MYH9: variants seen among roughly 807,000 people sequenced by gnomAD.
MYH9 encodes myosin heavy chain 9, also known as myosin-9.
In MYH9, 29 loss-of-function variants were observed where a neutral mutation model predicts 241.9. That is an observed-to-expected ratio of 0.12 (90% CI 0.09 to 0.16). MYH9 has a LOEUF of 0.16. Ranked by LOEUF, MYH9 falls within the 10% of genes least tolerant of loss-of-function variation. MYH9 has a pLI of 1.00. For missense variants in MYH9, 1,803 were observed against 2,595.5 expected (o/e 0.69, Z 6.63); for synonymous variants, 1,047 against 1,062.6 (o/e 0.99, Z 0.29).
chr22:36,325,121 C>T (rs775545739), intron 5 of MYH9: 1 of 769,994 alleles, frequency 1.3e-6, no homozygotes, highest in South Asian at 1.4e-5. Context: ...TAAAATAGGC[C>T]TCCTAAAAAG....
chr22:36,323,701 C>G (rs2017291780), intron 5 of MYH9, among the ~76,000 whole-genome samples: 1 of 152,122 alleles, frequency 6.6e-6, no homozygotes, highest in Non-Finnish European at 1.5e-5. Context: ...CCACCTGAGA[C>G]CACAAGGGAC....
At chr22:36,379,129 AG>A (rs2018216309) in intron 1 of MYH9, among the ~76,000 whole-genome samples, 2 of 152,184 alleles carry the variant, frequency 1.3e-5, no homozygotes, top group South Asian at 2.1e-4. Flanking sequence ...GCAAGAAGAA[AG>A]GCTCTTCTTT....
At chr22:36,381,317 C>T (rs1261766536) in intron 1 of MYH9, among the ~76,000 whole-genome samples, 1 of 151,976 alleles carries the variant, frequency 6.6e-6, no homozygotes, top group East Asian at 1.9e-4. Flanking sequence ...GAGATGGGGA[C>T]CAACCTGGGC....
chr22:36,286,163 G>C (rs2016576915), intron 35 of MYH9: 1 of 623,910 alleles, frequency 1.6e-6, no homozygotes, highest in Non-Finnish European at 2.8e-6. Flanking sequence ...ACATTTAAGT[G>C]CTAGGAATCA....
Position 36,306,690 on chromosome 22 carries a change from A to C in MYH9, c.1844-83T>G, listed in dbSNP as rs779413386. 1.4e-5 allele frequency: 18 copies of C among 1,312,868 alleles called. No homozygotes were observed. Among genetic ancestry groups the C allele is most frequent in the Non-Finnish European group, 1.8e-5 (17 of 937,182 alleles). The allele number at this position is 1,312,868 out of a possible 1,614,324, so 81.3% of individuals were successfully genotyped here. A position where few individuals can be genotyped will look rare whatever the true frequency, so the allele number is the denominator to read the frequency against. On this transcript the variant is annotated intron_variant, in intron 15 of 40. Coordinates refer to ENST00000216181, the MANE Select transcript of MYH9 (RefSeq NM_002473.6). The surrounding 1 kb of genome is among the most constrained non-coding windows in gnomAD (Gnocchi z 4.1). ...GAGCACGTAGGAGAGAGAGACAGGC[A>C]CACGTCGGACAGGAAAAGAGGAGAC...
chr22:36,319,366 G>A (rs2017211662), intron 10 of MYH9, among the ~76,000 whole-genome samples, 174 bp downstream of exon 10: 1 of 151,928 alleles, frequency 6.6e-6, no homozygotes. Context: ...CTTACTTGGT[G>A]AGAAAAAAAA....
intron 1 of MYH9, among the ~76,000 whole-genome samples, chr22:36,367,781 C>T (rs923906703): frequency 1.3e-5 from 2 of 152,342 alleles, no homozygotes; most frequent in East Asian, 3.9e-4. Flanking sequence ...AAGAAGGAAG[C>T]AGCAGCGGCC....
chr22:36,364,379 C>T (rs2017978169), intron 1 of MYH9, among the ~76,000 whole-genome samples: 1 of 152,168 alleles, frequency 6.6e-6, no homozygotes, highest in South Asian at 2.1e-4. Context: ...CTCCCATCTT[C>T]CCAAAGGTCC....
At chr22:36,317,765 T>G (rs1440603377) in intron 11 of MYH9, among the ~76,000 whole-genome samples, 3 of 152,238 alleles carry the variant, frequency 2.0e-5, no homozygotes, top group African/African-American at 7.2e-5. Context: ...TGCTCGTCTC[T>G]CAGCACACGT....
At position 36,382,583 on chromosome 22, in the gene MYH9, G is replaced by A. The variant is rs560679473; in HGVS notation, c.-20+5224C>T. Among the ~76,000 whole-genome samples the A allele has an allele frequency of 4.0e-5, 6 of 150,314 alleles. 1 individual carries two copies. The highest frequency in any genetic ancestry group is 1.2e-4 in the African/African-American group (5 of 40,972). On this transcript the variant is annotated intron_variant, in intron 1 of 40. Transcript: ENST00000216181. ...TTTGGGAGGCCAAGGCGGGTGGATC[G>A]CCTGAGGTCGGAAGTTCGAGACCAG... is the stretch of plus-strand genomic sequence containing the variant.
chr22:36,300,917 C>T lies in MYH9; in HGVS notation c.2772G>A (p.Val924=), dbSNP rs1186143580. The change falls in exon 22 of 41, where the codon GTG becomes GTA. Residue 924 remains valine, a synonymous_variant. Coordinates refer to ENST00000216181, the MANE Select transcript of MYH9 (RefSeq NM_002473.6). The surrounding 1 kb of genome is among the most constrained non-coding windows in gnomAD (Gnocchi z 5.0). ...GCTGGCAGCGCTCCTCCTCCTCCTC[C>T]ACCCTGGCCTCTAGGTCATGGCAGA... is the stretch of plus-strand genomic sequence containing the variant. ...EEICHDLEAR[V]EEEEERCQHL... The T allele has an allele frequency of 1.9e-6, 3 of 1,608,484 alleles. No individual in the cohort carries two copies. The highest frequency in any genetic ancestry group is 1.7e-5 in the Admixed American group (1 of 60,016).
rs374837768 is a variant in MYH9, at chr22:36,314,195, T to C, written c.1504A>G (p.Ile502Val). 2 of 1,614,118 alleles carry C rather than the reference T, an allele frequency of 1.2e-6. No individual in the cohort carries two copies. The highest frequency in any genetic ancestry group is 1.7e-6 in the Non-Finnish European group (2 of 1,180,044). ...GGCTGCAGGTCGAGGCCAAAGTCGA[T>C]GAAGTTCCACTCGATGCCCTCGCGC... ...YQREGIEWNF[I>V]DFGLDLQPCI... The change falls in exon 13 of 41, where the codon ATC becomes GTC. Residue 502 changes from isoleucine (I) to valine (V), a missense_variant. Physicochemically the swap from Ile to Val is conservative, Grantham distance 29 (BLOSUM62 3). Coordinates refer to ENST00000216181, the MANE Select transcript of MYH9 (RefSeq NM_002473.6).
intron 35 of MYH9, among the ~76,000 whole-genome samples, chr22:36,286,393 G>A (rs534763950): frequency 1.4e-4 from 21 of 152,204 alleles, no homozygotes; most frequent in African/African-American, 5.1e-4. Flanking sequence ...ACTTCAGGAC[G>A]GGCTCAGGTG....
chr22:36,318,514 G>C (rs2146361349), intron 10 of MYH9, among the ~76,000 whole-genome samples, 189 bp from the exon 11 acceptor site: 1 of 152,318 alleles, frequency 6.6e-6, no homozygotes, highest in East Asian at 1.9e-4. Context: ...CAGGGCCACA[G>C]ACACCTAGCA....
intron 10 of MYH9, among the ~76,000 whole-genome samples, chr22:36,318,625 C>T (rs1002685423): frequency 6.6e-6 from 1 of 152,198 alleles, no homozygotes; most frequent in Non-Finnish European, 1.5e-5. Context: ...CTGGAGGCCA[C>T]AGCGGCAGCA....
Position 36,306,162 on chromosome 22 carries a change from G to A in MYH9, c.2038-111C>T, listed in dbSNP as rs547104654. 8.4e-6 allele frequency: 13 copies of A among 1,541,118 alleles called. No individual in the cohort carries two copies. Among genetic ancestry groups the A allele is most frequent in the Middle Eastern group, 1.7e-4 (1 of 5,966 alleles). On this transcript the variant is annotated intron_variant, in intron 16 of 40. Coordinates refer to ENST00000216181, the MANE Select transcript of MYH9 (RefSeq NM_002473.6). This position sits in a 1 kb window ranked among gnomAD's most constrained non-coding sequence, Gnocchi z 4.1. ...GGGCAAGAGCCTAAGGGAGGGGGTC[G>A]CTACAGCCCACAGGTTTGGACAATG...
intron 1 of MYH9, among the ~76,000 whole-genome samples, chr22:36,372,900 G>A (rs2018110131): frequency 6.6e-6 from 1 of 152,158 alleles, no homozygotes. Flanking sequence ...CAGGGGCCTT[G>A]GAGGCCGAAA....
At chr22:36,355,459 A>G (rs1460903199) in intron 1 of MYH9, among the ~76,000 whole-genome samples, 2 of 152,102 alleles carry the variant, frequency 1.3e-5, no homozygotes, top group Admixed American at 6.5e-5. Context: ...ATGAACAGCT[A>G]GCACCTTAAA....
intron 2 of MYH9, among the ~76,000 whole-genome samples, chr22:36,344,544 G>A (rs573862773): frequency 6.6e-6 from 1 of 152,354 alleles, no homozygotes; most frequent in South Asian, 2.1e-4. Flanking sequence ...CCACTAGAAT[G>A]ACTACAGAGG....
Sources: gnomAD v4.1 joint callset for allele counts (sites outside exome capture counted in the v4.1 genomes callset) on GRCh38, gnomAD v4.1.1 for gene constraint, Gnocchi (gnomAD v3.1) non-coding constraint, MANE v1.5 for transcripts, NCBI Gene and HGNC (gene_info 2026-07-23, HGNC 2026-07-21) for gene names.